Variants in DOC2B observed in about 807,000 individuals in gnomAD.
DOC2B encodes the protein double C2 domain beta.
In DOC2B, 21 loss-of-function variants were observed where a neutral mutation model predicts 28.9. The observed-to-expected ratio is 0.73, with a 90% CI of 0.52 to 1.05. The LOEUF is 1.05. Ranked by LOEUF, DOC2B falls within the 50% of genes least tolerant of loss-of-function variation. The pLI, the probability that DOC2B is intolerant of heterozygous loss-of-function variation, is 0.00. For synonymous variants in DOC2B, 194 were observed against 178.1 expected, an observed-to-expected ratio of 1.09 and a Z score of -0.71; for missense variants, 384 against 421.1, an observed-to-expected ratio of 0.91 and a Z score of 0.77.
At chr17:180,477 G>T (rs533162067) in intron 1 of DOC2B, among the ~76,000 whole-genome samples, 1 of 152,296 alleles carries the variant, frequency 6.6e-6, no homozygotes, top group South Asian at 2.1e-4. Context: ...GAGGGCTGCG[G>T]CGGGGTCCAT....
chr17:169,598 A>G (rs8075072), intron 2 of DOC2B, among the ~76,000 whole-genome samples: 121,283 of 152,074 alleles, frequency 0.8, 48,985 homozygotes, highest in East Asian at 0.86. Flanking sequence ...GCCAGGGGCC[A>G]CGTGTTAACT....
At chr17:176,282 A>C (rs528275464) in intron 1 of DOC2B, among the ~76,000 whole-genome samples, 78 of 152,026 alleles carry the variant, frequency 5.1e-4, no homozygotes, top group African/African-American at 1.8e-3. Flanking sequence ...TCCCAGGCTC[A>C]AACGATCCTC....
At position 147,402 on chromosome 17, in the gene DOC2B, G is replaced by C; in HGVS notation, c.*39C>G. The C allele has an allele frequency of 5.0e-6, 2 of 398,736 alleles. No individual in the cohort carries two copies. The highest frequency in any genetic ancestry group is 3.6e-5 in the East Asian group (1 of 28,094). 24.7% of individuals were successfully genotyped at this position (398,736 alleles called of 1,614,324 possible). On this transcript the variant is annotated 3_prime_UTR_variant, in exon 9 of 9. Transcript: ENST00000613549. The stretch of plus-strand genomic sequence containing the variant: ...GGGAAGCCCGGGGCCGGCCGTGCTG[G>C]GCGCAGGTGGCGGCAGGGGTAGCAG...
At chr17:151,384 A>C (rs1428923778) in intron 6 of DOC2B, among the ~76,000 whole-genome samples, 1 of 152,198 alleles carries the variant, frequency 6.6e-6, no homozygotes, top group Admixed American at 6.5e-5. Flanking sequence ...CATATTTTGT[A>C]ATCTTTGCAG....
At chr17:147,810 A>AG (rs2040032119) in intron 8 of DOC2B, among the ~76,000 whole-genome samples, 1 of 152,206 alleles carries the variant, frequency 6.6e-6, no homozygotes. Context: ...AGGCAGCATC[A>AG]GGGGTCAAGG....
At chr17:158,684 T>G (rs761873862) in intron 5 of DOC2B, among the ~76,000 whole-genome samples, 2 of 152,220 alleles carry the variant, frequency 1.3e-5, no homozygotes, top group Non-Finnish European at 2.9e-5. Flanking sequence ...GGCAGAGCTT[T>G]GTGTGTGAGG....
chr17:148,325 G>A (rs2040037013), intron 7 of DOC2B, 56 bp from the exon 8 acceptor site: 1 of 398,628 alleles, frequency 2.5e-6, no homozygotes, highest in Non-Finnish European at 4.4e-6. Context: ...CTCCGCCGGG[G>A]GCCAGGAGGG....
At position 172,600 on chromosome 17, in the gene DOC2B, C is replaced by T; in HGVS notation, c.390G>A (p.Leu130=). ...CCTGGTCATACAGCAGGCTGAAGTC[C>T]AGCGTGCCCAGGGCAGCTGCGGACA... ...ESDDCTALGT[L]DFSLLYDQEN... The change falls in exon 2 of 9, where the codon CTG becomes CTA. Residue 130 remains leucine, a synonymous_variant. Transcript: ENST00000613549. 6.4e-7 allele frequency: 1 copy of T among 1,550,848 alleles called. No homozygotes were observed. Among genetic ancestry groups the T allele is most frequent in the East Asian group, 2.4e-5 (1 of 40,916 alleles).
rs747309146 is a variant in DOC2B at position 181,518 on chromosome 17, G to A, written c.-39C>T. 15 of 985,984 alleles carry A rather than the reference G, an allele frequency of 1.5e-5. No individual in the cohort carries two copies. Among genetic ancestry groups the A allele is most frequent in the Non-Finnish European group, 1.7e-5 (14 of 830,960 alleles). 61.1% of individuals were successfully genotyped at this position (985,984 alleles called of 1,614,324 possible). ...CCCCGCCCCGGGCGCGGCCCGGCCC[G>A]GCGCGACCCCGGCCCGGGGGCGGCT... On this transcript the variant is annotated 5_prime_UTR_variant, in exon 1 of 9. Coordinates refer to ENST00000613549, the MANE Select transcript of DOC2B (RefSeq NM_003585.5). This position sits in a 1 kb window ranked among gnomAD's most constrained non-coding sequence, Gnocchi z 7.0.
At chr17:172,906 G>T (rs569388114) in intron 1 of DOC2B, among the ~76,000 whole-genome samples, 1 of 152,200 alleles carries the variant, frequency 6.6e-6, no homozygotes, top group Admixed American at 6.5e-5. Flanking sequence ...ACCTGAGCTG[G>T]GCACCCAGCC....
intron 7 of DOC2B, 125 bp downstream of exon 7, chr17:148,986 C>A: frequency 5.1e-6 from 2 of 395,190 alleles, no homozygotes; most frequent in Non-Finnish European, 8.9e-6. Flanking sequence ...TGGCTTGGTG[C>A]GGCCCCTCCC....
At position 181,017 on chromosome 17, in the gene DOC2B, G is replaced by T. The variant is rs1414439906; in HGVS notation, c.373+90C>A. 6 of 1,094,258 alleles carry T rather than the reference G, an allele frequency of 5.5e-6. No individual in the cohort carries two copies. The highest frequency in any genetic ancestry group is 3.3e-5 in the African/African-American group (2 of 61,032). The allele number at this position is 1,094,258 out of a possible 1,614,324, so 67.8% of individuals were successfully genotyped here. ...ACCGAGGCAGAGCGCGAGCGCGCGA[G>T]GGGGACCGGCGGAGGGAAGCCGCGA... is the stretch of plus-strand genomic sequence containing the variant. On this transcript the variant is annotated intron_variant, in intron 1 of 8. Coordinates refer to ENST00000613549, the MANE Select transcript of DOC2B (RefSeq NM_003585.5). This position sits in a 1 kb window ranked among gnomAD's most constrained non-coding sequence, Gnocchi z 7.0.
At chr17:172,671 G>A (rs1013047144) in intron 1 of DOC2B, 55 bp from the exon 2 acceptor site, 15 of 1,447,128 alleles carry the variant, frequency 1.0e-5, no homozygotes, top group Middle Eastern at 2.1e-4. Context: ...GAGAGGCTTC[G>A]CCTGCCCCTG....
chr17:172,647 C>T, intron 1 of DOC2B, 31 bp from the exon 2 acceptor site: 1 of 1,525,898 alleles, frequency 6.6e-7, no homozygotes, highest in Non-Finnish European at 8.9e-7. Flanking sequence ...AGGTCCCACC[C>T]TGGCCGCATC....
chr17:150,728 C>A (rs2040063388), intron 6 of DOC2B, among the ~76,000 whole-genome samples: 1 of 152,198 alleles, frequency 6.6e-6, no homozygotes, highest in Non-Finnish European at 1.5e-5. Flanking sequence ...AAAACCTGTT[C>A]ATTGCAGCTT....
chr17:153,541 A>T lies in DOC2B; in HGVS notation c.923+2679T>A, dbSNP rs781227192. Among the ~76,000 whole-genome samples the T allele has an allele frequency of 2.2e-4, 33 of 152,278 alleles. 1 individual carries two copies. The highest frequency in any genetic ancestry group is 4.4e-4 in the Non-Finnish European group (30 of 68,030). On this transcript the variant is annotated intron_variant, in intron 6 of 8. Coordinates refer to ENST00000613549, the MANE Select transcript of DOC2B (RefSeq NM_003585.5). ...AACATGGTGAAACCCCGTCTACTAAAAATACAAAAATTAGCCTGGCGTGGT... is the reference window on the plus strand; with the variant it reads ...AACATGGTGAAACCCCGTCTACTAATAATACAAAAATTAGCCTGGCGTGGT...
At chr17:162,043 G>A (rs1459797092) in intron 4 of DOC2B, 38 bp downstream of exon 4, 6 of 1,429,840 alleles carry the variant, frequency 4.2e-6, no homozygotes, top group Non-Finnish European at 5.8e-6. Context: ...GGGAGTAGGG[G>A]TTGGGGAGGG....
At chr17:164,509 T>C (rs7220384) in intron 2 of DOC2B, among the ~76,000 whole-genome samples, 123,919 of 152,086 alleles carry the variant, frequency 0.81, 50,858 homozygotes, top group East Asian at 0.86. Flanking sequence ...CTCTCCACCC[T>C]GCTTTGCTCA....
rs2040000539 is a variant in DOC2B at position 143,872 on chromosome 17, A to T, written c.*3569T>A. 6.6e-6 allele frequency: 1 copy of T among 152,222 alleles called. No individual in the cohort carries two copies. The highest frequency in any genetic ancestry group is 6.5e-5 in the Admixed American group (1 of 15,286). 9.4% of individuals were successfully genotyped at this position (152,222 alleles called of 1,614,324 possible). On this transcript the variant is annotated 3_prime_UTR_variant, in exon 9 of 9. Transcript: ENST00000613549. ...GCAGCAAAACGGGGTTAAGCAGTGC[A>T]CGAGAGTCTGCGTCGACGACAGCCA...
Sources: gnomAD v4.1 joint callset for allele counts (sites outside exome capture counted in the v4.1 genomes callset) on GRCh38, gnomAD v4.1.1 for gene constraint, Gnocchi (gnomAD v3.1) non-coding constraint, MANE v1.5 for transcripts, NCBI Gene and HGNC (gene_info 2026-07-23, HGNC 2026-07-21) for gene names.